Variants in FARS2 observed in about 807,000 individuals in gnomAD.
FARS2 encodes the protein phenylalanine--tRNA ligase, mitochondrial.
In FARS2, 40 loss-of-function variants were observed where a neutral mutation model predicts 46.4. The ratio of observed to expected loss-of-function variants is 0.86; its 90% CI spans 0.67 to 1.12. FARS2 has a LOEUF of 1.12. Among genes scored for constraint, FARS2 ranks in the 50% most tolerant of loss-of-function variants. The pLI, the probability that FARS2 is intolerant of heterozygous loss-of-function variation, is 0.00. For synonymous variants in FARS2, 234 were observed against 214.9 expected, an observed-to-expected ratio of 1.09 and a Z score of -0.78; for missense variants, 513 against 567.9, an observed-to-expected ratio of 0.90 and a Z score of 0.98.
chr6:5,458,050 T>G (rs1349692895), intron 4 of FARS2: 1 of 152,386 alleles, frequency 6.6e-6, no homozygotes, highest in Non-Finnish European at 1.5e-5. Context: ...CCGTCGTGGT[T>G]CCTCTGCCCA....
intron 6 of FARS2, among the ~76,000 whole-genome samples, chr6:5,649,259 C>G (rs1777226510): frequency 6.6e-6 from 1 of 152,152 alleles, no homozygotes; most frequent in African/African-American, 2.4e-5. Context: ...AGGAACATTT[C>G]TTTGGGTGCT....
intron 5 of FARS2, among the ~76,000 whole-genome samples, chr6:5,578,542 G>T (rs908030024): frequency 2.6e-5 from 4 of 152,002 alleles, no homozygotes; most frequent in African/African-American, 7.2e-5. Flanking sequence ...AGGCACGGTG[G>T]CTCACCCCAG....
At chr6:5,256,307 T>C (rs1051956276), upstream of FARS2, among the ~76,000 whole-genome samples, 1 of 151,442 alleles carries the variant, frequency 6.6e-6, no homozygotes, top group Admixed American at 6.6e-5. Context: ...CTGGCCAATA[T>C]GGTGAAACCC....
chr6:5,327,479 G>C (rs954122570), intron 1 of FARS2, among the ~76,000 whole-genome samples: 2 of 152,084 alleles, frequency 1.3e-5, no homozygotes, highest in Non-Finnish European at 2.9e-5. Flanking sequence ...TTTCCGTGCC[G>C]TTCTTGTGAT....
At chr6:5,501,408 G>A (rs1166642744) in intron 4 of FARS2, among the ~76,000 whole-genome samples, 1 of 152,156 alleles carries the variant, frequency 6.6e-6, no homozygotes. Context: ...ACACAGCTCA[G>A]TTTGCCCAGG....
intron 6 of FARS2, among the ~76,000 whole-genome samples, chr6:5,687,402 C>T (rs1253139959): frequency 1.3e-5 from 2 of 152,204 alleles, no homozygotes; most frequent in East Asian, 3.8e-4. Flanking sequence ...GATCCAGTTT[C>T]AGCTTTCTAC....
chr6:5,722,322 A>G (rs1468186092), intron 6 of FARS2, among the ~76,000 whole-genome samples: 1 of 152,244 alleles, frequency 6.6e-6, no homozygotes, highest in Non-Finnish European at 1.5e-5. Context: ...TCTGCAGAAC[A>G]GTCTTTTAAA....
At chr6:5,683,011 A>G (rs960153624) in intron 6 of FARS2, among the ~76,000 whole-genome samples, 10 of 152,214 alleles carry the variant, frequency 6.6e-5, no homozygotes, top group African/African-American at 2.4e-4. Flanking sequence ...TGTGGGAAGA[A>G]ACGTGTTCAG....
intron 1 of FARS2, among the ~76,000 whole-genome samples, chr6:5,290,504 G>C (rs151143822): frequency 3.6e-4 from 55 of 152,294 alleles, no homozygotes; most frequent in African/African-American, 1.3e-3. Context: ...AAACAAGACA[G>C]CCTATATTAA....
At chr6:5,379,292 A>G (rs6932040) in intron 2 of FARS2, among the ~76,000 whole-genome samples, 25,636 of 152,136 alleles carry the variant, frequency 0.17, 2,221 homozygotes, top group Middle Eastern at 0.21. Flanking sequence ...CAGCTCACCT[A>G]TCTGCTTGTC....
At chr6:5,659,055 A>C (rs916655620) in intron 6 of FARS2, among the ~76,000 whole-genome samples, 3 of 152,148 alleles carry the variant, frequency 2.0e-5, no homozygotes, top group Admixed American at 2.0e-4. Flanking sequence ...TTCCTTTACC[A>C]TTCTTAGCAG....
At chr6:5,668,697 T>G (rs1050791228) in intron 6 of FARS2, among the ~76,000 whole-genome samples, 3 of 143,722 alleles carry the variant, frequency 2.1e-5, no homozygotes, top group East Asian at 2.0e-4. Flanking sequence ...TTTTTTTTTT[T>G]TTTTTTTTTT....
intron 6 of FARS2, among the ~76,000 whole-genome samples, chr6:5,749,924 G>A (rs1005674110): frequency 6.6e-6 from 1 of 152,204 alleles, no homozygotes; most frequent in Non-Finnish European, 1.5e-5. Flanking sequence ...AGTGGCCCTT[G>A]GGAGGCTGAG....
chr6:5,532,974 A>G (rs1056515829), intron 4 of FARS2, among the ~76,000 whole-genome samples: 4 of 152,290 alleles, frequency 2.6e-5, no homozygotes, highest in African/African-American at 9.6e-5. Context: ...TAGTAGTTCA[A>G]GCATTTCACT....
At chr6:5,525,414 T>A (rs1020281318) in intron 4 of FARS2, among the ~76,000 whole-genome samples, 9 of 152,106 alleles carry the variant, frequency 5.9e-5, no homozygotes, top group African/African-American at 2.2e-4. Flanking sequence ...TGTTGCGACA[T>A]GATTCATGCA....
At chr6:5,661,113 G>A (rs192394040) in intron 6 of FARS2, among the ~76,000 whole-genome samples, 276 of 152,318 alleles carry the variant, frequency 1.8e-3, no homozygotes, top group Non-Finnish European at 2.6e-3. Flanking sequence ...AGATAACTCA[G>A]CAGATCCCAA....
chr6:5,412,732 T>C (rs879855442), intron 3 of FARS2, among the ~76,000 whole-genome samples: 1 of 152,208 alleles, frequency 6.6e-6, no homozygotes, highest in Non-Finnish European at 1.5e-5. Context: ...AAATTGTAAG[T>C]GTGTATCACT....
intron 6 of FARS2, among the ~76,000 whole-genome samples, chr6:5,659,257 G>A (rs1281100118): frequency 6.6e-6 from 1 of 152,138 alleles, no homozygotes; most frequent in African/African-American, 2.4e-5. Flanking sequence ...CTCATTTTCA[G>A]TCCAGAGAAA....
At chr6:5,431,256 A>T (rs1763149743) in intron 4 of FARS2, 84 bp downstream of exon 4, 1 of 1,372,834 alleles carries the variant, frequency 7.3e-7, no homozygotes, top group African/African-American at 1.4e-5. Context: ...ACTTGTAGAT[A>T]TTTACATACT....
Sources: gnomAD v4.1 joint callset for allele counts (sites outside exome capture counted in the v4.1 genomes callset) on GRCh38, gnomAD v4.1.1 for gene constraint, MANE v1.5 for transcripts, NCBI Gene and HGNC (gene_info 2026-07-23, HGNC 2026-07-21) for gene names.